Variants in CFAP58 observed in about 807,000 individuals in gnomAD.
The protein encoded by CFAP58 is cilia- and flagella-associated protein 58.
A neutral mutation model predicts 119.5 loss-of-function variants in CFAP58; 88 were observed. The observed-to-expected ratio is 0.74, with a 90% CI of 0.62 to 0.88. CFAP58 has a LOEUF of 0.88. CFAP58 is among the 40% of genes least tolerant of loss of function. The pLI is 0.00. For synonymous variants in CFAP58, 365 were observed against 366.3 expected (o/e 1.00, Z 0.04); for missense variants, 990 against 1,021.2 (o/e 0.97, Z 0.42).
At chr10:104,450,041 T>A in intron 16 of CFAP58, 30 bp from the exon 17 acceptor site, 1 of 1,579,312 alleles carries the variant, frequency 6.3e-7, no homozygotes, top group Non-Finnish European at 8.6e-7. Flanking sequence ...ATTGTATCTT[T>A]TGTTAATGCT....
chr10:104,338,907 G>GTTTTTT, the CFAP58 span, among the ~76,000 whole-genome samples: 1 of 140,596 alleles, frequency 7.1e-6, no homozygotes, highest in African/African-American at 2.6e-5. Context: ...GCTTACTACC[G>GTTTTTT]TTTTTTTTTT....
At chr10:104,355,089 C>T (rs766252317) in intron 1 of CFAP58, among the ~76,000 whole-genome samples, 2 of 152,196 alleles carry the variant, frequency 1.3e-5, no homozygotes, top group South Asian at 2.1e-4. Flanking sequence ...CTCCATCACT[C>T]ACATCTCTCT....
At chr10:104,424,581 G>T (rs1297150071) in intron 15 of CFAP58, among the ~76,000 whole-genome samples, 1 of 152,154 alleles carries the variant, frequency 6.6e-6, no homozygotes, top group Non-Finnish European at 1.5e-5. Flanking sequence ...TATTTGAGAA[G>T]ATTTCTGGGT....
rs552182089 is a variant in CFAP58, at chr10:104,428,721, G to A, written c.2257-18977G>A. On this transcript the variant is annotated intron_variant, in intron 15 of 17. Coordinates refer to ENST00000369704, the MANE Select transcript of CFAP58 (RefSeq NM_001008723.2). ...TTCATGTGCATGGGTGTGTGTCTGC[G>A]TATGTTGATTCACATGCACACACCA... is the stretch of plus-strand genomic sequence containing the variant. 5.2e-4 allele frequency among the ~76,000 whole-genome samples: 79 copies of A among 152,320 alleles called. 1 individual carries two copies. In the South Asian group the frequency reaches 0.014, roughly 28 times the overall value.
At chr10:104,384,820 C>T (rs994325780) in intron 9 of CFAP58, among the ~76,000 whole-genome samples, 2 of 151,952 alleles carry the variant, frequency 1.3e-5, no homozygotes, top group Non-Finnish European at 1.5e-5. Flanking sequence ...GTGAAACAGT[C>T]ATGTGAGAAA....
At chr10:104,441,302 C>T (rs1180523124) in intron 15 of CFAP58, among the ~76,000 whole-genome samples, 2 of 152,174 alleles carry the variant, frequency 1.3e-5, no homozygotes, top group East Asian at 1.9e-4. Flanking sequence ...CGTACCCAGC[C>T]GACCTTACTG....
At chr10:104,399,824 T>C (rs1471072844) in intron 12 of CFAP58, among the ~76,000 whole-genome samples, 1 of 152,110 alleles carries the variant, frequency 6.6e-6, no homozygotes, top group Non-Finnish European at 1.5e-5. Flanking sequence ...TGATTTGATC[T>C]TGACTGGGTG....
intron 15 of CFAP58, among the ~76,000 whole-genome samples, chr10:104,441,393 G>A (rs1248955537): frequency 2.0e-5 from 3 of 152,152 alleles, no homozygotes; most frequent in African/African-American, 2.4e-5. Flanking sequence ...TTCTCTGGAC[G>A]TGTTTCATTA....
chr10:104,342,799 C>A, the CFAP58 span, among the ~76,000 whole-genome samples: 1 of 144,102 alleles, frequency 6.9e-6, no homozygotes, highest in Non-Finnish European at 1.5e-5. Flanking sequence ...GACCCGAGAT[C>A]GTGCCACTGC....
intron 15 of CFAP58, among the ~76,000 whole-genome samples, chr10:104,441,379 GA>G (rs2013035145): frequency 1.3e-5 from 2 of 152,248 alleles, no homozygotes; most frequent in South Asian, 4.1e-4. Context: ...TAGTTGACTT[GA>G]ATTTCTCTGG....
At chr10:104,434,437 C>A (rs2012898097) in intron 15 of CFAP58, among the ~76,000 whole-genome samples, 1 of 152,174 alleles carries the variant, frequency 6.6e-6, no homozygotes, top group Non-Finnish European at 1.5e-5. Flanking sequence ...GGCCTCAGGT[C>A]TCCTAAGTTA....
intron 8 of CFAP58, 52 bp from the exon 9 acceptor site, chr10:104,379,977 C>T: frequency 1.3e-6 from 2 of 1,515,722 alleles, no homozygotes; most frequent in East Asian, 4.5e-5. Context: ...AACTTAACCC[C>T]AAATCCTTGA....
At chr10:104,369,107 C>T (rs139662813) in intron 6 of CFAP58, among the ~76,000 whole-genome samples, 10 of 152,194 alleles carry the variant, frequency 6.6e-5, no homozygotes, top group Admixed American at 2.0e-4. Flanking sequence ...GTTTATACTC[C>T]GATGTATATT....
At chr10:104,390,188 G>T (rs2012004437) in intron 9 of CFAP58, among the ~76,000 whole-genome samples, 1 of 152,290 alleles carries the variant, frequency 6.6e-6, no homozygotes, top group South Asian at 2.1e-4. Context: ...AATGTTTCCT[G>T]TAGCATGGTT....
rs7924063 is a variant in CFAP58 at position 104,378,879 on chromosome 10, T to C, written c.1174-1150T>C. Among the ~76,000 whole-genome samples the C allele has an allele frequency of 3.2e-3, 492 of 151,790 alleles. 2 individuals are homozygous for C. The highest frequency in any genetic ancestry group is 0.011 in the African/African-American group (465 of 41,330). On this transcript the variant is annotated intron_variant, in intron 8 of 17. Transcript: ENST00000369704. The stretch of plus-strand genomic sequence containing the variant: ...AACTTGGGCAGCCAACCCAAGATGT[T>C]TCCTTTTCAGCATCAGAAATCTCCA...
At position 104,360,807 on chromosome 10, in the gene CFAP58, A is replaced by G. The variant is rs1222902720; in HGVS notation, c.292-1216A>G. On this transcript the variant is annotated intron_variant, in intron 2 of 17. Coordinates refer to ENST00000369704, the MANE Select transcript of CFAP58 (RefSeq NM_001008723.2). The stretch of plus-strand genomic sequence containing the variant: ...CTCCATCCATGTCCTTGCAAAGGAC[A>G]TGATCTTGTACTTTTTTATGGCTGC... 2.6e-5 allele frequency among the ~76,000 whole-genome samples: 4 copies of G among 152,166 alleles called. No homozygotes were observed. In the East Asian group the frequency reaches 7.7e-4, roughly 29 times the overall value.
At chr10:104,361,042 C>A (rs1017408795) in intron 2 of CFAP58, among the ~76,000 whole-genome samples, 3 of 152,168 alleles carry the variant, frequency 2.0e-5, no homozygotes, top group Non-Finnish European at 2.9e-5. Flanking sequence ...GAGAAATCCA[C>A]CCCCATGATT....
At chr10:104,421,035 G>A (rs895428368) in intron 15 of CFAP58, among the ~76,000 whole-genome samples, 1 of 152,128 alleles carries the variant, frequency 6.6e-6, no homozygotes, top group African/African-American at 2.4e-5. Flanking sequence ...TTACACGCAT[G>A]AGCCACCGCA....
At chr10:104,426,455 C>A (rs1279676064) in intron 15 of CFAP58, among the ~76,000 whole-genome samples, 1 of 151,500 alleles carries the variant, frequency 6.6e-6, no homozygotes, top group East Asian at 1.9e-4. Context: ...ATCATCCTCT[C>A]TCCCTCCCCA....
Sources: allele counts gnomAD v4.1 joint callset (sites outside exome capture counted in the v4.1 genomes callset), GRCh38; gene constraint gnomAD v4.1.1; transcripts MANE v1.5; gene names NCBI Gene and HGNC (gene_info 2026-07-23, HGNC 2026-07-21).